The following CLSTN2 variants were observed in gnomAD, a reference collection of about 807,000 sequenced individuals.
The protein encoded by CLSTN2 is calsyntenin-2.
Under a neutral mutation model 101.2 loss-of-function variants are expected in CLSTN2, and 48 were observed. The observed-to-expected ratio is 0.47, with a 90% CI of 0.38 to 0.60. The LOEUF (loss-of-function observed/expected upper bound fraction) is 0.60. Among genes scored for constraint, CLSTN2 ranks in the 20% least tolerant of loss-of-function variants. The pLI is 0.00. For missense variants in CLSTN2, 1,160 were observed against 1,238.2 expected, an observed-to-expected ratio of 0.94 and a Z score of 0.95; for synonymous variants, 481 against 463.6, an observed-to-expected ratio of 1.04 and a Z score of -0.48.
At chr3:140,482,543 T>A (rs553633860) in intron 8 of CLSTN2, among the ~76,000 whole-genome samples, 18 of 152,340 alleles carry the variant, frequency 1.2e-4, no homozygotes, top group African/African-American at 4.3e-4. Context: ...GTACCTCTGG[T>A]AGAATTCAGC....
intron 7 of CLSTN2, among the ~76,000 whole-genome samples, chr3:140,461,575 C>T (rs961381878): frequency 1.3e-5 from 2 of 152,150 alleles, no homozygotes; most frequent in Non-Finnish European, 2.9e-5. Flanking sequence ...CCAAGAAAGA[C>T]AGGATTGGAC....
chr3:140,105,733 A>G (rs893368823), intron 1 of CLSTN2, among the ~76,000 whole-genome samples: 3 of 152,200 alleles, frequency 2.0e-5, no homozygotes, highest in African/African-American at 4.8e-5. Context: ...AGAAGGCCTC[A>G]TAGACATTTA....
chr3:140,492,889 G>T (rs570689643), intron 8 of CLSTN2, among the ~76,000 whole-genome samples: 1 of 152,128 alleles, frequency 6.6e-6, no homozygotes, highest in Non-Finnish European at 1.5e-5. Flanking sequence ...AACTGCCCCC[G>T]CAGGAGACAG....
At chr3:140,041,351 A>G (rs2007758283) in intron 1 of CLSTN2, among the ~76,000 whole-genome samples, 1 of 152,094 alleles carries the variant, frequency 6.6e-6, no homozygotes, top group Non-Finnish European at 1.5e-5. Flanking sequence ...TATAGATAAC[A>G]GAGGGGTCAG....
At chr3:140,349,758 A>G (rs2087586329) in intron 2 of CLSTN2, among the ~76,000 whole-genome samples, 1 of 152,190 alleles carries the variant, frequency 6.6e-6, no homozygotes, top group African/African-American at 2.4e-5. Flanking sequence ...TTTGCTTGCT[A>G]CCTTTTCACC....
intron 4 of CLSTN2, among the ~76,000 whole-genome samples, chr3:140,420,576 AGT>A (rs1472660431): frequency 6.6e-6 from 1 of 152,218 alleles, no homozygotes; most frequent in Non-Finnish European, 1.5e-5. Context: ...CGGGGCGAAA[AGT>A]GTGTTATTCT....
chr3:140,212,372 A>G (rs2010866804), intron 2 of CLSTN2, among the ~76,000 whole-genome samples: 1 of 152,104 alleles, frequency 6.6e-6, no homozygotes, highest in Admixed American at 6.5e-5. Flanking sequence ...TTGGGGTAAC[A>G]TTTTTCATTT....
intron 8 of CLSTN2, among the ~76,000 whole-genome samples, chr3:140,523,106 C>T (rs1054979889): frequency 3.3e-5 from 5 of 151,890 alleles, no homozygotes; most frequent in Non-Finnish European, 7.4e-5. Flanking sequence ...GGCATGTGAA[C>T]TGTGTGCATT....
intron 2 of CLSTN2, among the ~76,000 whole-genome samples, chr3:140,194,415 G>A (rs1045386009): frequency 1.3e-5 from 2 of 152,068 alleles, no homozygotes; most frequent in African/African-American, 4.8e-5. Context: ...TCACATTGGG[G>A]ATTAGGTTTC....
At chr3:140,024,079 C>G (rs549032002) in intron 1 of CLSTN2, among the ~76,000 whole-genome samples, 1 of 152,312 alleles carries the variant, frequency 6.6e-6, no homozygotes, top group East Asian at 1.9e-4. Flanking sequence ...TGTAGCCAAT[C>G]TGGGTCTCAG....
chr3:139,952,473 G>A (rs1935311301), intron 1 of CLSTN2, among the ~76,000 whole-genome samples: 1 of 151,290 alleles, frequency 6.6e-6, no homozygotes, highest in South Asian at 2.1e-4. Context: ...CCCCTACATT[G>A]GTTCCTTGGG....
chr3:140,488,042 G>T (rs549467089), intron 8 of CLSTN2, among the ~76,000 whole-genome samples: 1 of 152,038 alleles, frequency 6.6e-6, no homozygotes, highest in Non-Finnish European at 1.5e-5. Context: ...ATGCACATTC[G>T]GGTTTATTAC....
intron 5 of CLSTN2, among the ~76,000 whole-genome samples, chr3:140,422,134 G>A (rs1448808137): frequency 6.6e-6 from 1 of 150,418 alleles, no homozygotes; most frequent in African/African-American, 2.4e-5. Context: ...GCCTTCTCTT[G>A]GTGTGTCTTT....
In CLSTN2 at chr3:140,269,009, C is replaced by T. The variant is rs55824862; in HGVS notation, c.232+92936C>T. ...GATTTGTTTATTAATTGATCAGGGA[C>T]GTCTTGAATAAATCTCCTAGTGAGT... On this transcript the variant is annotated intron_variant, in intron 2 of 16. Transcript: ENST00000458420. Among the ~76,000 whole-genome samples, 43 of 152,210 alleles carry T rather than the reference C, an allele frequency of 2.8e-4. No individual in the cohort carries two copies. The East Asian group carries it at 5.6e-3, about 20-fold the overall frequency.
At chr3:140,264,837 T>TG (rs2086682280) in intron 2 of CLSTN2, among the ~76,000 whole-genome samples, 2 of 152,064 alleles carry the variant, frequency 1.3e-5, no homozygotes, top group African/African-American at 4.8e-5. Flanking sequence ...ATTAGGCCAG[T>TG]GGGGTAGATC....
At position 140,575,157 on chromosome 3, in the gene CLSTN2, T is replaced by C. The variant is rs1985694160; in HGVS notation, c.*8904T>C. On this transcript the variant is annotated 3_prime_UTR_variant, in exon 17 of 17. Coordinates refer to ENST00000458420, the MANE Select transcript of CLSTN2 (RefSeq NM_022131.3). ...TGGTGTGATACAGCAAAAAGCTTTT[T>C]TTGTTTTTCTGTTTTTGTTTTGTTT... The C allele has an allele frequency of 6.6e-6, 1 of 152,264 alleles. No homozygotes were observed. Among genetic ancestry groups the C allele is most frequent in the South Asian group, 2.1e-4 (1 of 4,838 alleles). 9.4% of individuals were successfully genotyped at this position (152,264 alleles called of 1,614,324 possible).
intron 2 of CLSTN2, among the ~76,000 whole-genome samples, chr3:140,370,270 G>A (rs2087837899): frequency 6.6e-6 from 1 of 152,106 alleles, no homozygotes; most frequent in Non-Finnish European, 1.5e-5. Context: ...TCTCATGTCA[G>A]TCAAGGTGCA....
rs573488301 is a variant in CLSTN2 at position 140,160,477 on chromosome 3, T to C, written c.110-15474T>C. ...ACCCAAATGTTTCATGTAAATATGA[T>C]TTTATGACTCAGGAATGACTTTTCC... On this transcript the variant is annotated intron_variant, in intron 1 of 16. Coordinates refer to ENST00000458420, the MANE Select transcript of CLSTN2 (RefSeq NM_022131.3). Among the ~76,000 whole-genome samples the C allele has an allele frequency of 2.2e-4, 33 of 152,296 alleles. 1 individual carries two copies. The South Asian group carries it at 6.8e-3, about 32-fold the overall frequency.
intron 1 of CLSTN2, among the ~76,000 whole-genome samples, chr3:140,171,140 G>A (rs1228192107): frequency 6.6e-6 from 1 of 152,088 alleles, no homozygotes; most frequent in Non-Finnish European, 1.5e-5. Context: ...TGTGTTGATG[G>A]CTAATAAAAG....
Sources: gnomAD v4.1 joint callset for allele counts (sites outside exome capture counted in the v4.1 genomes callset) on GRCh38, gnomAD v4.1.1 for gene constraint, MANE v1.5 for transcripts, NCBI Gene and HGNC (gene_info 2026-07-23, HGNC 2026-07-21) for gene names.